The following UBE2D1 variants were observed in gnomAD, a reference collection of about 807,000 sequenced individuals.
The protein encoded by UBE2D1 is ubiquitin-conjugating enzyme E2 D1.
Under a neutral mutation model 24.6 loss-of-function variants are expected in UBE2D1, and 9 were observed. The observed-to-expected ratio is 0.37, with a 90% CI of 0.22 to 0.64. UBE2D1 has a LOEUF of 0.64. Among genes scored for constraint, UBE2D1 ranks in the 30% least tolerant of loss-of-function variants. The pLI, the probability that UBE2D1 is intolerant of heterozygous loss-of-function variation, is 0.64. For synonymous variants in UBE2D1, 57 were observed against 57.6 expected (o/e 0.99, Z 0.04); for missense variants, 87 against 177.1 (o/e 0.49, Z 2.89).
chr10:58,360,420 C>G (rs553499443), intron 1 of UBE2D1, among the ~76,000 whole-genome samples: 2 of 149,404 alleles, frequency 1.3e-5, no homozygotes, highest in Non-Finnish European at 2.9e-5. Context: ...CTGGAATTCT[C>G]TCTGTTAGAG....
At chr10:58,348,133 A>C (rs1345886286) in intron 1 of UBE2D1, among the ~76,000 whole-genome samples, 1 of 152,210 alleles carries the variant, frequency 6.6e-6, no homozygotes, top group Non-Finnish European at 1.5e-5. Context: ...CAGTTTGTTG[A>C]AGTGAGTTTG....
At chr10:58,365,272 G>A (rs372687220) in intron 5 of UBE2D1, among the ~76,000 whole-genome samples, 29 of 152,068 alleles carry the variant, frequency 1.9e-4, no homozygotes, top group African/African-American at 6.5e-4. Context: ...GTTCGAGACC[G>A]GCCTGGGCAA....
chr10:58,335,184 C>T lies in UBE2D1; in HGVS notation c.-18C>T, dbSNP rs1223252332. ...GCCGACCCCTGCCGGCCGGTGTCCCCACCGCCATCCCTGACCCATGGCGCT... is the reference window on the plus strand; with the variant it reads ...GCCGACCCCTGCCGGCCGGTGTCCCTACCGCCATCCCTGACCCATGGCGCT... On this transcript the variant is annotated 5_prime_UTR_variant, in exon 1 of 7. Coordinates refer to ENST00000373910, the MANE Select transcript of UBE2D1 (RefSeq NM_003338.5). The T allele has an allele frequency of 6.5e-7, 1 of 1,545,600 alleles. No homozygotes were observed. Among genetic ancestry groups the T allele is most frequent in the African/African-American group, 1.4e-5 (1 of 71,454 alleles).
intron 1 of UBE2D1, among the ~76,000 whole-genome samples, chr10:58,340,006 G>A (rs1588995933): frequency 6.6e-6 from 1 of 152,174 alleles, no homozygotes. Context: ...GTAGCCAGTA[G>A]CCACATGGAA....
intron 1 of UBE2D1, among the ~76,000 whole-genome samples, chr10:58,346,383 A>G (rs1840017617): frequency 6.6e-6 from 1 of 152,276 alleles, no homozygotes; most frequent in South Asian, 2.1e-4. Flanking sequence ...TTGTCATTAT[A>G]ATTTTGATTA....
At position 58,351,708 on chromosome 10, in the gene UBE2D1, T is replaced by C. The variant is rs148048732; in HGVS notation, c.25-9630T>C. 3.3e-3 allele frequency among the ~76,000 whole-genome samples: 505 copies of C among 152,320 alleles called. 6 individuals are homozygous for C. Among genetic ancestry groups the C allele is most frequent in the Non-Finnish European group, 7.8e-4 (53 of 68,028 alleles). On this transcript the variant is annotated intron_variant, in intron 1 of 6. Transcript: ENST00000373910. ...TTAAAAGTACAATGTAGTAAATACA[T>C]GAACCAGTAACATAGTTGTGGATTA...
intron 1 of UBE2D1, among the ~76,000 whole-genome samples, chr10:58,356,017 C>T (rs1333493738): frequency 2.0e-5 from 3 of 151,994 alleles, no homozygotes; most frequent in African/African-American, 4.8e-5. Context: ...AGAGAAGATG[C>T]TTAATATATA....
rs1840294076 is a variant in UBE2D1, at chr10:58,369,753, CTT to C, written c.*990_*991del. Reference sequence around the variant, plus strand: ...ATTTTATTGTTTTAGGTTAGTATCTCTTTACTAAATTGTCAGTCTATAAGATA... The same window carrying C: ...ATTTTATTGTTTTAGGTTAGTATCTCTACTAAATTGTCAGTCTATAAGATA... On this transcript the variant is annotated 3_prime_UTR_variant, in exon 7 of 7. Transcript: ENST00000373910. 6.6e-6 allele frequency: 1 copy of C among 152,012 alleles called. No individual in the cohort carries two copies. Among genetic ancestry groups the C allele is most frequent in the African/African-American group, 2.4e-5 (1 of 41,424 alleles). 9.4% of individuals were successfully genotyped at this position (152,012 alleles called of 1,614,324 possible). A position where few individuals can be genotyped will look rare whatever the true frequency, so the allele number is the denominator to read the frequency against.
At position 58,347,945 on chromosome 10, in the gene UBE2D1, G is replaced by A. The variant is rs115141701; in HGVS notation, c.24+12720G>A. On this transcript the variant is annotated intron_variant, in intron 1 of 6. Coordinates refer to ENST00000373910, the MANE Select transcript of UBE2D1 (RefSeq NM_003338.5). Reference sequence around the variant, plus strand: ...ATTATAGGCATGAACCACCGTTCCCGGCCCTAAATTACACTCTTCATAGTT... The same window carrying A: ...ATTATAGGCATGAACCACCGTTCCCAGCCCTAAATTACACTCTTCATAGTT... 7.5e-3 allele frequency among the ~76,000 whole-genome samples: 1,142 copies of A among 152,192 alleles called. 14 individuals are homozygous for A. The highest frequency in any genetic ancestry group is 0.024 in the African/African-American group (1,016 of 41,522).
At chr10:58,355,117 T>C (rs1039630635) in intron 1 of UBE2D1, among the ~76,000 whole-genome samples, 5 of 152,184 alleles carry the variant, frequency 3.3e-5, no homozygotes, top group African/African-American at 9.6e-5. Context: ...TCATGAGATA[T>C]TGAGAATGAA....
At chr10:58,364,701 A>C (rs1589004245) in intron 4 of UBE2D1, 70 bp from the exon 5 acceptor site, 2 of 1,160,710 alleles carry the variant, frequency 1.7e-6, no homozygotes, top group Non-Finnish European at 2.5e-6. Flanking sequence ...CCTAGAGCAA[A>C]TTGGTTCTGT....
At chr10:58,358,283 C>A (rs1840155119) in intron 1 of UBE2D1, among the ~76,000 whole-genome samples, 1 of 152,072 alleles carries the variant, frequency 6.6e-6, no homozygotes, top group Non-Finnish European at 1.5e-5. Context: ...AACTAGTTTG[C>A]TAGTTAAAAT....
intron 1 of UBE2D1, among the ~76,000 whole-genome samples, chr10:58,349,139 T>C (rs908329027): frequency 2.0e-5 from 3 of 152,348 alleles, no homozygotes; most frequent in Non-Finnish European, 4.4e-5. Flanking sequence ...TTTTTGTGGC[T>C]TTATTGTAAG....
chr10:58,357,006 T>C (rs1297849607), intron 1 of UBE2D1, among the ~76,000 whole-genome samples: 1 of 152,036 alleles, frequency 6.6e-6, no homozygotes, highest in African/African-American at 2.4e-5. Flanking sequence ...ATTTATAGGG[T>C]GCATCTTAGA....
chr10:58,347,408 G>A (rs185398949), intron 1 of UBE2D1, among the ~76,000 whole-genome samples: 1 of 152,028 alleles, frequency 6.6e-6, no homozygotes, highest in Non-Finnish European at 1.5e-5. Context: ...GTCTAAAATC[G>A]ATTTTTATTT....
chr10:58,350,660 G>A (rs577139329), intron 1 of UBE2D1, among the ~76,000 whole-genome samples: 7 of 152,002 alleles, frequency 4.6e-5, no homozygotes. Context: ...TTTGTGTCCT[G>A]TTAAATCTCT....
In UBE2D1 at chr10:58,364,864, A is replaced by C; in HGVS notation, c.292A>C (p.Thr98Pro). 1.2e-6 allele frequency: 2 copies of C among 1,612,462 alleles called. No homozygotes were observed. The highest frequency in any genetic ancestry group is 1.7e-6 in the Non-Finnish European group (2 of 1,178,744). The part of the protein sequence containing the change: ...ILRSQWSPAL[T>P]VSKVLLSICS... Reference sequence around the variant, plus strand: ...GAGGTCACAATGGTCACCAGCTCTGACTGTATCAAAAGGTAATTTCATTGA... The same window carrying C: ...GAGGTCACAATGGTCACCAGCTCTGCCTGTATCAAAAGGTAATTTCATTGA... Residue 98 changes from threonine to proline, a missense_variant, in exon 5 of 7, where the codon ACT becomes CCT. Coordinates refer to ENST00000373910, the MANE Select transcript of UBE2D1 (RefSeq NM_003338.5).
intron 5 of UBE2D1, among the ~76,000 whole-genome samples, chr10:58,367,084 G>A (rs553716769): frequency 1.5e-4 from 23 of 152,146 alleles, no homozygotes; most frequent in Middle Eastern, 3.4e-3. Flanking sequence ...CCCACCCTTT[G>A]CCTGTCATTG....
chr10:58,367,879 G>T (rs74377516), intron 5 of UBE2D1, 44 bp from the exon 6 acceptor site: 47,626 of 1,318,810 alleles, frequency 0.036, 3,043 homozygotes, highest in East Asian at 0.31. Flanking sequence ...TTTGTATGAA[G>T]TAGAAGGGTT....
Sources: gnomAD v4.1 joint callset for allele counts (sites outside exome capture counted in the v4.1 genomes callset) on GRCh38, gnomAD v4.1.1 for gene constraint, MANE v1.5 for transcripts, NCBI Gene and HGNC (gene_info 2026-07-23, HGNC 2026-07-21) for gene names.